RBFOX1: variants seen among roughly 807,000 people sequenced by gnomAD.
RBFOX1 encodes RNA binding fox-1 homolog 1.
RBFOX1 carries 8 observed loss-of-function variants against 57.7 expected under a neutral mutation model. The ratio of observed to expected loss-of-function variants is 0.14; its 90% confidence interval spans 0.08 to 0.25. The LOEUF is 0.25. RBFOX1 is among the 10% of genes least tolerant of loss of function. RBFOX1 has a pLI of 1.00. For synonymous variants in RBFOX1, 326 were observed against 222.4 expected (o/e 1.47, Z -4.15); for missense variants, 611 against 548.5 (o/e 1.11, Z -1.14).
intron 3 of RBFOX1, among the ~76,000 whole-genome samples, chr16:6,914,553 A>C (rs553980617): frequency 7.3e-6 from 1 of 137,160 alleles, no homozygotes; most frequent in African/African-American, 3.1e-5. Flanking sequence ...GCTCCAGAAG[A>C]AAACAAAAAT....
At chr16:6,803,422 G>C (rs2085966373) in intron 3 of RBFOX1, among the ~76,000 whole-genome samples, 1 of 152,184 alleles carries the variant, frequency 6.6e-6, no homozygotes, top group Admixed American at 6.5e-5. Flanking sequence ...GAGAAAGTGA[G>C]AGTGGCGTTC....
chr16:6,231,684 T>C (rs767195951), intron 1 of RBFOX1, among the ~76,000 whole-genome samples: 29 of 152,244 alleles, frequency 1.9e-4, no homozygotes, highest in Non-Finnish European at 3.4e-4. Flanking sequence ...AATTCTGTAA[T>C]TGATTAGGCA....
chr16:7,350,813 G>A (rs780267384), intron 4 of RBFOX1, among the ~76,000 whole-genome samples: 1 of 152,184 alleles, frequency 6.6e-6, no homozygotes, highest in African/African-American at 2.4e-5. Context: ...GAGGACCAGG[G>A]AGTATAGAAA....
chr16:6,759,420 G>A (rs913370681), intron 3 of RBFOX1, among the ~76,000 whole-genome samples: 1 of 151,378 alleles, frequency 6.6e-6, no homozygotes, highest in African/African-American at 2.4e-5. Flanking sequence ...CATAGTGCTG[G>A]GACCCAATTA....
At chr16:6,190,992 C>G (rs2097138043) in intron 1 of RBFOX1, among the ~76,000 whole-genome samples, 1 of 152,078 alleles carries the variant, frequency 6.6e-6, no homozygotes, top group African/African-American at 2.4e-5. Flanking sequence ...GCCTCCCAGC[C>G]TCTCCCGATT....
chr16:6,522,663 C>G (rs964086371), intron 2 of RBFOX1, among the ~76,000 whole-genome samples: 1 of 152,058 alleles, frequency 6.6e-6, no homozygotes, highest in South Asian at 2.1e-4. Context: ...ATACTAATAA[C>G]CAGGTTAATC....
chr16:6,836,082 C>T (rs987621836), intron 3 of RBFOX1, among the ~76,000 whole-genome samples: 13 of 152,180 alleles, frequency 8.5e-5, no homozygotes, highest in African/African-American at 2.2e-4. Context: ...TGCTACAAAA[C>T]GCCTGCTATA....
chr16:6,842,866 C>G (rs535746966), intron 3 of RBFOX1, among the ~76,000 whole-genome samples: 4 of 152,046 alleles, frequency 2.6e-5, no homozygotes, highest in Non-Finnish European at 4.4e-5. Context: ...GTTCCCCTCC[C>G]TGTGTCCATG....
At chr16:6,770,893 A>C (rs2078180943) in intron 3 of RBFOX1, among the ~76,000 whole-genome samples, 1 of 152,180 alleles carries the variant, frequency 6.6e-6, no homozygotes, top group South Asian at 2.1e-4. Context: ...TCAGTGACAC[A>C]AAATGATGTG....
At chr16:6,631,741 T>G (rs2098387494) in intron 2 of RBFOX1, among the ~76,000 whole-genome samples, 1 of 152,000 alleles carries the variant, frequency 6.6e-6, no homozygotes, top group Admixed American at 6.6e-5. Context: ...TGAGCTGGTG[T>G]CTGAACTGAC....
intron 2 of RBFOX1, among the ~76,000 whole-genome samples, chr16:6,458,027 T>C (rs1035984333): frequency 7.2e-5 from 11 of 151,786 alleles, no homozygotes; most frequent in Admixed American, 2.0e-4. Flanking sequence ...AAAAAGAATC[T>C]CTTTGATGTA....
chr16:7,121,176 G>C (rs1440657929), intron 4 of RBFOX1, among the ~76,000 whole-genome samples: 1 of 152,020 alleles, frequency 6.6e-6, no homozygotes, highest in Non-Finnish European at 1.5e-5. Context: ...TGGTGAAAAA[G>C]TGACTGCTAT....
intron 3 of RBFOX1, among the ~76,000 whole-genome samples, chr16:6,988,162 C>A (rs1302801751): frequency 1.3e-5 from 2 of 152,172 alleles, no homozygotes; most frequent in Admixed American, 1.3e-4. Flanking sequence ...CAAAGAGAAA[C>A]ACAGCAGAGT....
At chr16:6,380,674 T>G (rs998592110) in intron 2 of RBFOX1, among the ~76,000 whole-genome samples, 1 of 151,964 alleles carries the variant, frequency 6.6e-6, no homozygotes, top group Non-Finnish European at 1.5e-5. Context: ...ATGAGTGTCC[T>G]TGAACAAATC....
chr16:5,501,240 C>T (rs1191537757), intron 2 of RBFOX1, among the ~76,000 whole-genome samples: 1 of 138,270 alleles, frequency 7.2e-6, no homozygotes, highest in African/African-American at 2.9e-5. Context: ...ATCGATTGAA[C>T]TCGGGAGGCG....
intron 3 of RBFOX1, among the ~76,000 whole-genome samples, chr16:7,000,074 A>G (rs75917623): frequency 8.6e-5 from 1 of 11,658 alleles, no homozygotes; most frequent in Non-Finnish European, 2.0e-4. Context: ...TGTTTCAAAG[A>G]AAAAAAAAAA....
At chr16:6,714,109 A>G (rs1242846707) in intron 3 of RBFOX1, among the ~76,000 whole-genome samples, 5 of 152,128 alleles carry the variant, frequency 3.3e-5, no homozygotes, top group Admixed American at 3.3e-4. Flanking sequence ...CACAAGATCT[A>G]ATGGTTTTAT....
chr16:6,918,248 A>T (rs8058792), intron 3 of RBFOX1, among the ~76,000 whole-genome samples: 2 of 150,422 alleles, frequency 1.3e-5, no homozygotes, highest in African/African-American at 2.5e-5. Context: ...TACCATTGCA[A>T]TCCAGCCTGG....
intron 4 of RBFOX1, among the ~76,000 whole-genome samples, chr16:7,417,467 A>T (rs35819027): frequency 0.33 from 50,577 of 151,124 alleles, 10,383 homozygotes; most frequent in South Asian, 0.47. Context: ...CACCACCACC[A>T]GGAAACTGAC....
Sources: gnomAD v4.1 joint callset for allele counts (sites outside exome capture counted in the v4.1 genomes callset) on GRCh38, gnomAD v4.1.1 for gene constraint, MANE v1.5 for transcripts, NCBI Gene and HGNC (gene_info 2026-07-23, HGNC 2026-07-21) for gene names.